Variants in TRPC4AP observed in about 807,000 individuals in gnomAD.
TRPC4AP encodes the protein short transient receptor potential channel 4-associated protein.
In TRPC4AP, 45 loss-of-function variants were observed where a neutral mutation model predicts 99.0. That is an observed-to-expected ratio of 0.45 (90% CI 0.36 to 0.58). The LOEUF is 0.58. Ranked by LOEUF, TRPC4AP falls within the 20% of genes least tolerant of loss-of-function variation. The probability of loss-of-function intolerance (pLI) is 0.00; values close to 1 mark genes in which losing one functional copy is unlikely to be tolerated. For missense variants in TRPC4AP, 879 were observed against 985.3 expected, an observed-to-expected ratio of 0.89 and a Z score of 1.44; for synonymous variants, 408 against 385.8, an observed-to-expected ratio of 1.06 and a Z score of -0.67.
rs533949729 is a variant in TRPC4AP, at chr20:35,022,506, G to A, written c.1052-1150C>T. ...ATTGGTCAGAGTCAGGAGAGGCTAG[G>A]TGATCTTAGCAGAGTGACTTCCCTT... On this transcript the variant is annotated intron_variant, in intron 8 of 18. Coordinates refer to ENST00000252015, the MANE Select transcript of TRPC4AP (RefSeq NM_015638.3). Among the ~76,000 whole-genome samples, 188 of 152,252 alleles carry A rather than the reference G, an allele frequency of 1.2e-3. 7 individuals are homozygous for A. The highest frequency in any genetic ancestry group is 2.1e-3 in the South Asian group (10 of 4,830).
At chr20:35,017,631 G>T (rs1434334584) in intron 9 of TRPC4AP, among the ~76,000 whole-genome samples, 1 of 152,150 alleles carries the variant, frequency 6.6e-6, no homozygotes, top group African/African-American at 2.4e-5. Flanking sequence ...GTCAGTGATT[G>T]CAACGGCACC....
chr20:35,074,743 T>C (rs534756982), intron 2 of TRPC4AP, among the ~76,000 whole-genome samples: 1 of 152,332 alleles, frequency 6.6e-6, no homozygotes, highest in African/African-American at 2.4e-5. Context: ...GAATGTATAT[T>C]CTGTTGATTT....
intron 8 of TRPC4AP, among the ~76,000 whole-genome samples, chr20:35,031,377 T>C (rs1413812684): frequency 3.5e-5 from 5 of 141,724 alleles, no homozygotes; most frequent in East Asian, 2.0e-4. Context: ...TGTGCACTAC[T>C]ACCCCTGGTT....
At chr20:35,075,227 T>A (rs2084441886) in intron 2 of TRPC4AP, among the ~76,000 whole-genome samples, 1 of 152,222 alleles carries the variant, frequency 6.6e-6, no homozygotes, top group Non-Finnish European at 1.5e-5. Context: ...TGCCAGTCTG[T>A]CTTTTAACTG....
At chr20:35,004,374 G>C (rs2082471261) in intron 17 of TRPC4AP, 84 bp downstream of exon 17, 4 of 1,210,248 alleles carry the variant, frequency 3.3e-6, no homozygotes, top group South Asian at 2.6e-5. Flanking sequence ...TCTGGAGTGG[G>C]GGACAGAAAC....
At position 35,057,454 on chromosome 20, in the gene TRPC4AP, G is replaced by C. The variant is rs1199738581; in HGVS notation, c.472+60C>G. The C allele has an allele frequency of 2.2e-6, 3 of 1,371,046 alleles. No individual in the cohort carries two copies. The African/African-American group carries it at 4.3e-5, about 20-fold the overall frequency. 84.9% of individuals were successfully genotyped at this position (1,371,046 alleles called of 1,614,324 possible). A position where few individuals can be genotyped will look rare whatever the true frequency, so the allele number is the denominator to read the frequency against. On this transcript the variant is annotated intron_variant, in intron 4 of 18. Coordinates refer to ENST00000252015, the MANE Select transcript of TRPC4AP (RefSeq NM_015638.3). ...AGGGAAGGAAGAAGGCAGCTGCTGG[G>C]AACTGCCACCGTATCGGCAGGTTGG...
At chr20:35,085,424 C>G (rs1484715487) in intron 1 of TRPC4AP, among the ~76,000 whole-genome samples, 1 of 152,010 alleles carries the variant, frequency 6.6e-6, no homozygotes, top group Non-Finnish European at 1.5e-5. Flanking sequence ...CCAGCCTGGG[C>G]AACATGGCAG....
At position 35,070,677 on chromosome 20, in the gene TRPC4AP, C is replaced by T. The variant is rs144433619; in HGVS notation, c.298-1265G>A. On this transcript the variant is annotated intron_variant, in intron 2 of 18. Coordinates refer to ENST00000252015, the MANE Select transcript of TRPC4AP (RefSeq NM_015638.3). ...CCTCCCAGAGTGCTGGGATTACAGG[C>T]GTGAGTCACTGCGCCCGGCCAAACC... 4.3e-3 allele frequency among the ~76,000 whole-genome samples: 660 copies of T among 152,312 alleles called. 3 individuals are homozygous for T. Among genetic ancestry groups the T allele is most frequent in the African/African-American group, 0.015 (631 of 41,572 alleles).
At chr20:35,078,651 A>C (rs180801315) in intron 1 of TRPC4AP, among the ~76,000 whole-genome samples, 1 of 152,340 alleles carries the variant, frequency 6.6e-6, no homozygotes, top group African/African-American at 2.4e-5. Context: ...GTAAATATCT[A>C]TGAATGGTCT....
At chr20:35,058,025 T>C (rs2083883100) in intron 3 of TRPC4AP, among the ~76,000 whole-genome samples, 1 of 152,204 alleles carries the variant, frequency 6.6e-6, no homozygotes, top group African/African-American at 2.4e-5. Flanking sequence ...TAATACAATT[T>C]TGCACAAACT....
chr20:35,033,113 G>C (rs2083239463), intron 8 of TRPC4AP, among the ~76,000 whole-genome samples: 1 of 152,042 alleles, frequency 6.6e-6, no homozygotes, highest in Admixed American at 6.6e-5. Flanking sequence ...AGAACTGCTT[G>C]AACATGGGAG....
rs368221145 is a variant in TRPC4AP at position 35,004,202 on chromosome 20, G to C, written c.2049+256C>G. ...AAGCCCAGCAGGGCAGAAGGTGTGA[G>C]GGACGTGGACATGGGGGAGGCGGGG... On this transcript the variant is annotated intron_variant, in intron 17 of 18. Transcript: ENST00000252015. 1.5e-4 allele frequency among the ~76,000 whole-genome samples: 23 copies of C among 152,338 alleles called. 1 individual carries two copies. In the East Asian group the frequency reaches 4.2e-3, roughly 28 times the overall value.
chr20:35,080,327 C>A (rs2084600014), intron 1 of TRPC4AP, among the ~76,000 whole-genome samples: 2 of 151,320 alleles, frequency 1.3e-5, no homozygotes, highest in African/African-American at 2.4e-5. Flanking sequence ...ATGGCGAAAC[C>A]CCACCTCTAC....
intron 9 of TRPC4AP, among the ~76,000 whole-genome samples, chr20:35,018,694 T>C (rs185126359): frequency 1.3e-5 from 2 of 151,716 alleles, no homozygotes; most frequent in African/African-American, 4.8e-5. Flanking sequence ...GTAGAATGCA[T>C]TATTCCTACT....
At chr20:35,022,183 T>C (rs2082906007) in intron 8 of TRPC4AP, among the ~76,000 whole-genome samples, 1 of 152,138 alleles carries the variant, frequency 6.6e-6, no homozygotes, top group Non-Finnish European at 1.5e-5. Flanking sequence ...ATTTACAGAG[T>C]CTTGCTCTGT....
At position 35,035,156 on chromosome 20, in the gene TRPC4AP, G is replaced by C. The variant is rs1198673333; in HGVS notation, c.1018C>G (p.Arg340Gly). The C allele has an allele frequency of 1.9e-6, 3 of 1,613,762 alleles. No individual in the cohort carries two copies. The highest frequency in any genetic ancestry group is 2.5e-6 in the Non-Finnish European group (3 of 1,179,864). ...DNALVLDALM[R>G]VANEESEHNQ... is the part of the protein sequence containing the mutation. ...TGCTCTGACTCCTCATTGGCCACTC[G>C]CATCAGGGCATCTAGCACCAAAGCA... The change falls in exon 8 of 19, where the codon CGA becomes GGA. Residue 340 changes from arginine (R) to glycine (G), a missense_variant. Coordinates refer to ENST00000252015, the MANE Select transcript of TRPC4AP (RefSeq NM_015638.3).
chr20:35,092,755 C>T lies in TRPC4AP; in HGVS notation c.27G>A (p.Gly9=). ...ACCGTCTCCCTCGGCCGGCTCCAGACCCAGCCGCTACCGGCGCCGCCGCCA... is the reference window on the plus strand; with the variant it reads ...ACCGTCTCCCTCGGCCGGCTCCAGATCCAGCCGCTACCGGCGCCGCCGCCA... MAAAPVAA[G]SGAGRGRRSA... The change falls in exon 1 of 19, where the codon GGG becomes GGA. Residue 9 remains glycine (G), a synonymous_variant. Transcript: ENST00000252015. 3 of 1,550,374 alleles carry T rather than the reference C, an allele frequency of 1.9e-6. No homozygotes were observed. The highest frequency in any genetic ancestry group is 2.6e-6 in the Non-Finnish European group (3 of 1,160,252).
At chr20:35,015,948 C>T in intron 10 of TRPC4AP, 60 bp downstream of exon 10, 1 of 1,604,222 alleles carries the variant, frequency 6.2e-7, no homozygotes, top group Non-Finnish European at 8.5e-7. Flanking sequence ...AGCAGCAGGT[C>T]TTGAAACAAC....
chr20:35,044,400 G>GTTA, intron 7 of TRPC4AP, 105 bp downstream of exon 7: 1 of 828,408 alleles, frequency 1.2e-6, no homozygotes, highest in Non-Finnish European at 1.7e-6. Context: ...CTCAAAAAAG[G>GTTA]AAAAAAAAAA....
Sources: gnomAD v4.1 joint callset for allele counts (sites outside exome capture counted in the v4.1 genomes callset) on GRCh38, gnomAD v4.1.1 for gene constraint, MANE v1.5 for transcripts, NCBI Gene and HGNC (gene_info 2026-07-23, HGNC 2026-07-21) for gene names.